Variants in INTS8 observed in about 807,000 individuals in gnomAD.
INTS8 encodes the protein protein kaonashi-1.
INTS8 carries 47 observed loss-of-function variants against 138.9 expected under a neutral mutation model. The ratio of observed to expected loss-of-function variants is 0.34; its 90% CI spans 0.27 to 0.43. The LOEUF (loss-of-function observed/expected upper bound fraction) is 0.43. Ranked by LOEUF, INTS8 falls within the 20% of genes least tolerant of loss-of-function variation. INTS8 has a pLI of 1.00. For synonymous variants in INTS8, 392 were observed against 400.9 expected (o/e 0.98, Z 0.27); for missense variants, 996 against 1,173.0 (o/e 0.85, Z 2.20).
rs368018334 is a variant in INTS8, at chr8:94,827,667, A to G, written c.447-55A>G. 387 of 1,428,970 alleles carry G rather than the reference A, an allele frequency of 2.7e-4. 1 individual carries two copies. The highest frequency in any genetic ancestry group is 6.0e-4 in the Admixed American group (35 of 58,520). 88.5% of individuals were successfully genotyped at this position (1,428,970 alleles called of 1,614,324 possible). On this transcript the variant is annotated intron_variant, in intron 3 of 26. Coordinates refer to ENST00000523731, the MANE Select transcript of INTS8 (RefSeq NM_017864.4). ...AAACCTAAGGAGTACTTGAAAAAAT[A>G]ATTGAGATGACATTTATAATGTATG...
Position 94,836,651 on chromosome 8 carries a change from G to A in INTS8, c.861+20G>A, listed in dbSNP as rs773785096. On this transcript the variant is annotated intron_variant, in intron 7 of 26. Coordinates refer to ENST00000523731, the MANE Select transcript of INTS8 (RefSeq NM_017864.4). ...GCAGAGGTAAATCCAGTCATAATAG[G>A]AACTTAATGTTCAGTTCTTTAAAAC... 3 of 1,414,898 alleles carry A rather than the reference G, an allele frequency of 2.1e-6. No individual in the cohort carries two copies. The highest frequency in any genetic ancestry group is 4.6e-5 in the East Asian group (2 of 43,812). The allele number at this position is 1,414,898 out of a possible 1,614,324, so 87.6% of individuals were successfully genotyped here.
intron 15 of INTS8, 151 bp downstream of exon 15, chr8:94,857,129 A>C: frequency 1.6e-6 from 1 of 636,902 alleles, no homozygotes; most frequent in Non-Finnish European, 2.6e-6. Context: ...CTGGAGTGTA[A>C]TGGCGCGATC....
chr8:94,834,667 C>A (rs1405728848), intron 6 of INTS8, among the ~76,000 whole-genome samples: 1 of 148,982 alleles, frequency 6.7e-6, no homozygotes. Flanking sequence ...CACCCCATTG[C>A]ATTCCAGCCT....
intron 16 of INTS8, among the ~76,000 whole-genome samples, chr8:94,865,172 G>A (rs1368515177): frequency 6.6e-6 from 1 of 151,656 alleles, no homozygotes; most frequent in African/African-American, 2.4e-5. Context: ...ATGTAACGTG[G>A]GATCATACTA....
intron 11 of INTS8, 32 bp from the exon 12 acceptor site, chr8:94,849,882 CTT>C: frequency 6.7e-7 from 1 of 1,494,696 alleles, no homozygotes; most frequent in Non-Finnish European, 9.0e-7. Flanking sequence ...AAATTATACA[CTT>C]TTTTGTTTTA....
intron 15 of INTS8, among the ~76,000 whole-genome samples, chr8:94,858,165 T>A (rs1308937995): frequency 2.0e-5 from 3 of 152,250 alleles, no homozygotes; most frequent in Non-Finnish European, 2.9e-5. Context: ...TAGAAGTATT[T>A]AGAGCAATTA....
At position 94,867,122 on chromosome 8, in the gene INTS8, G is replaced by A; in HGVS notation, c.2296-18G>A. On this transcript the variant is annotated intron_variant, in intron 18 of 26. Transcript: ENST00000523731. Reference sequence around the variant, plus strand: ...TATACATACACTGTTTAAGGATTCTGTGTTTTCTTTCTCATAGGAACCACT... The same window carrying A: ...TATACATACACTGTTTAAGGATTCTATGTTTTCTTTCTCATAGGAACCACT... 1 of 1,577,516 alleles carries A rather than the reference G, an allele frequency of 6.3e-7. No homozygotes were observed. Among genetic ancestry groups the A allele is most frequent in the Non-Finnish European group, 8.7e-7 (1 of 1,154,576 alleles).
At chr8:94,850,400 C>T (rs186506402) in intron 12 of INTS8, among the ~76,000 whole-genome samples, 1 of 152,264 alleles carries the variant, frequency 6.6e-6, no homozygotes, top group African/African-American at 2.4e-5. Flanking sequence ...ATCACGAGGT[C>T]AGCAGATAGA....
In INTS8 at chr8:94,838,564, A is replaced by G. The variant is rs752623504; in HGVS notation, c.963A>G (p.Gln321=). The G allele has an allele frequency of 6.2e-6, 10 of 1,613,452 alleles. No individual in the cohort carries two copies. Among genetic ancestry groups the G allele is most frequent in the Non-Finnish European group, 7.6e-6 (9 of 1,179,482 alleles). ...TACCTTCTTCTGATAGTACATCTCA[A>G]CAGTTGACTCCATATAGTCAAGTCC... ...VLVPSSDSTS[Q]QLTPYSQVHI... is the part of the protein sequence containing the mutation. Residue 321 remains glutamine, a synonymous_variant, in exon 8 of 27, where the codon CAA becomes CAG. Transcript: ENST00000523731.
Position 94,830,413 on chromosome 8 carries a change from A to G in INTS8, c.570+1387A>G, listed in dbSNP as rs568532278. On this transcript the variant is annotated intron_variant, in intron 5 of 26. Coordinates refer to ENST00000523731, the MANE Select transcript of INTS8 (RefSeq NM_017864.4). ...GAATGTGGAAGCCAAAGCCTACATC[A>G]TTTCATTGTTGTTATCTAGTTCCTA... Among the ~76,000 whole-genome samples, 278 of 152,354 alleles carry G rather than the reference A, an allele frequency of 1.8e-3. 1 individual carries two copies. Among genetic ancestry groups the G allele is most frequent in the African/African-American group, 6.4e-3 (267 of 41,584 alleles).
intron 7 of INTS8, 87 bp from the exon 8 acceptor site, chr8:94,838,376 C>A: frequency 8.5e-7 from 1 of 1,177,024 alleles, no homozygotes; most frequent in Non-Finnish European, 1.2e-6. Flanking sequence ...TTAGCATTTC[C>A]TTGTACTGTT....
intron 1 of INTS8, among the ~76,000 whole-genome samples, 170 bp from the exon 2 acceptor site, chr8:94,824,723 C>G (rs1814418271): frequency 6.8e-6 from 1 of 148,140 alleles, no homozygotes. Context: ...ATACGTATTC[C>G]TTAGTCATTT....
chr8:94,880,706 A>G lies in INTS8; in HGVS notation c.*472A>G. 1 of 395,156 alleles carries G rather than the reference A, an allele frequency of 2.5e-6. No homozygotes were observed. Among genetic ancestry groups the G allele is most frequent in the Admixed American group, 4.4e-5 (1 of 22,656 alleles). The allele number at this position is 395,156 out of a possible 1,614,324, so 24.5% of individuals were successfully genotyped here. A position where few individuals can be genotyped will look rare whatever the true frequency, so the allele number is the denominator to read the frequency against. ...ACTGTCCTTATCTCACAATGGAGGA[A>G]TTTAGAAAGGACCTTAACAGTTTCA... is the stretch of plus-strand genomic sequence containing the variant. On this transcript the variant is annotated 3_prime_UTR_variant, in exon 27 of 27. Transcript: ENST00000523731.
chr8:94,876,935 G>A (rs1373437773), intron 26 of INTS8, among the ~76,000 whole-genome samples: 2 of 152,040 alleles, frequency 1.3e-5, no homozygotes, highest in Admixed American at 6.6e-5. Flanking sequence ...CAGATCTCTC[G>A]TCAATCATCC....
intron 10 of INTS8, among the ~76,000 whole-genome samples, chr8:94,848,075 C>T (rs59521030): frequency 0.017 from 2,475 of 149,902 alleles, 70 homozygotes; most frequent in African/African-American, 0.058. Flanking sequence ...GTGGCCTGAT[C>T]TCCACTCACT....
intron 6 of INTS8, among the ~76,000 whole-genome samples, chr8:94,832,738 T>C (rs1474088460): frequency 6.6e-6 from 1 of 151,984 alleles, no homozygotes; most frequent in Non-Finnish European, 1.5e-5. Context: ...CACTGCAAAC[T>C]CCGCCTCCCG....
chr8:94,866,321 C>G (rs1462399368), intron 18 of INTS8, 130 bp downstream of exon 18: 2 of 639,882 alleles, frequency 3.1e-6, no homozygotes, highest in Non-Finnish European at 5.9e-6. Context: ...GGGACAGGGT[C>G]TTGATCTGTC....
At chr8:94,841,361 A>G (rs373912649) in intron 8 of INTS8, 130 bp from the exon 9 acceptor site, 184 of 493,964 alleles carry the variant, frequency 3.7e-4, no homozygotes, top group African/African-American at 3.3e-3. Context: ...TAGGAAGAAA[A>G]GGTTTTCATA....
chr8:94,828,043 TTG>T (rs987440738), intron 4 of INTS8, among the ~76,000 whole-genome samples: 1 of 79,602 alleles, frequency 1.3e-5, no homozygotes, highest in African/African-American at 5.0e-5. Context: ...GTTTTTTTTT[TTG>T]TTTTTTTTTT....
Sources: allele counts gnomAD v4.1 joint callset (sites outside exome capture counted in the v4.1 genomes callset), GRCh38; gene constraint gnomAD v4.1.1; transcripts MANE v1.5; gene names NCBI Gene and HGNC (gene_info 2026-07-23, HGNC 2026-07-21).